SAMD9: variants seen among roughly 807,000 people sequenced by gnomAD.
SAMD9 encodes sterile alpha motif domain containing 9, also known as sterile alpha motif domain-containing protein 9.
Under a neutral mutation model 1.5 loss-of-function variants are expected in SAMD9, and 3 were observed. That is an observed-to-expected ratio of 2.05 (90% CI 0.93 to 5.29). The LOEUF is 5.29. SAMD9 is among the 30% of genes most tolerant of loss of function. The pLI is 0.02. For missense variants in SAMD9, 1,597 were observed against 1,820.8 expected, an observed-to-expected ratio of 0.88 and a Z score of 2.24; for synonymous variants, 635 against 631.9, an observed-to-expected ratio of 1.00 and a Z score of -0.07.
Position 93,110,076 on chromosome 7 carries a change from A to C in SAMD9, c.-8-3971T>G, listed in dbSNP as rs947067999. Among the ~76,000 whole-genome samples the C allele has an allele frequency of 2.6e-5, 4 of 152,250 alleles. 1 individual carries two copies. Among genetic ancestry groups the C allele is most frequent in the Admixed American group, 2.6e-4 (4 of 15,284 alleles). On this transcript the variant is annotated intron_variant, in intron 2 of 2. Transcript: ENST00000379958. ...CAGAAAGAAAGGTCCGGTTACCCAC[A>C]AAGGGGAGCCCATCAGATTAACAGC... is the stretch of plus-strand genomic sequence containing the variant.
In SAMD9 at chr7:93,102,212, C is replaced by T. The variant is rs768318837; in HGVS notation, c.3886G>A (p.Val1296Met). 64 of 1,613,656 alleles carry T rather than the reference C, an allele frequency of 4.0e-5. No individual in the cohort carries two copies. The highest frequency in any genetic ancestry group is 5.3e-5 in the Non-Finnish European group (63 of 1,179,710). The change falls in exon 3 of 3, where the codon GTG (valine) becomes ATG (methionine). Residue 1296 changes from valine to methionine, a missense_variant. This residue lies in a region of SAMD9 where 682 missense variants were observed against 810.0 expected (regional missense o/e 0.84). Coordinates refer to ENST00000379958, the MANE Select transcript of SAMD9 (RefSeq NM_017654.4). ...QNEEAKTRRK[V>M]AGYFKKYVDI... ...ACATATTTCTTAAAATATCCAGCCA[C>T]CTTTCTCCGAGTTTTGGCCTCTTCA...
At chr7:93,113,234 GA>G (rs1475780348) in intron 2 of SAMD9, among the ~76,000 whole-genome samples, 1 of 152,192 alleles carries the variant, frequency 6.6e-6, no homozygotes, top group Non-Finnish European at 1.5e-5. Context: ...ATGGTGCTGG[GA>G]AAACTGGCTA....
Position 93,104,210 on chromosome 7 carries a change from T to G in SAMD9, c.1888A>C (p.Arg630=). 1 of 1,613,954 alleles carries G rather than the reference T, an allele frequency of 6.2e-7. No homozygotes were observed. Among genetic ancestry groups the G allele is most frequent in the African/African-American group, 1.3e-5 (1 of 75,064 alleles). ...GATAAACCAATAGATGGCAAAAGCCTTTTTGAAGATTGAGTCACAGATTTT... is the reference window on the plus strand; with the variant it reads ...GATAAACCAATAGATGGCAAAAGCCGTTTTGAAGATTGAGTCACAGATTTT... The part of the protein sequence containing the change: ...KLKSVTQSSK[R]LLPSIGLSTV... The change falls in exon 3 of 3, where the codon AGG becomes CGG. Residue 630 remains arginine, a synonymous_variant. Coordinates refer to ENST00000379958, the MANE Select transcript of SAMD9 (RefSeq NM_017654.4).
At position 93,103,992 on chromosome 7, in the gene SAMD9, A is replaced by G; in HGVS notation, c.2106T>C (p.Ser702=). ...ATTTATCCCTTTTGACAAAAGGTGA[A>G]GAATAACTTTCAGAAGAGAAGTAGA... ...WNFYFSSESY[S]SPFVKRDKYE... is the part of the protein sequence containing the mutation. Residue 702 remains serine (S), a synonymous_variant, in exon 3 of 3, where the codon TCT becomes TCC. Coordinates refer to ENST00000379958, the MANE Select transcript of SAMD9 (RefSeq NM_017654.4). 1 of 1,613,892 alleles carries G rather than the reference A, an allele frequency of 6.2e-7. No individual in the cohort carries two copies. The highest frequency in any genetic ancestry group is 8.5e-7 in the Non-Finnish European group (1 of 1,179,820).
intron 2 of SAMD9, among the ~76,000 whole-genome samples, chr7:93,108,198 G>A (rs1028784896): frequency 2.6e-5 from 4 of 152,332 alleles, no homozygotes; most frequent in African/African-American, 9.6e-5. Context: ...GTGTGTGCGC[G>A]CAGGTGTGAC....
chr7:93,106,893 T>C (rs1194049325), intron 2 of SAMD9, among the ~76,000 whole-genome samples: 2 of 152,224 alleles, frequency 1.3e-5, no homozygotes, highest in Non-Finnish European at 2.9e-5. Flanking sequence ...TTTCTCAAAA[T>C]TGTACAATCA....
intron 2 of SAMD9, among the ~76,000 whole-genome samples, chr7:93,110,412 G>T (rs1325365691): frequency 6.6e-6 from 1 of 152,100 alleles, no homozygotes; most frequent in Non-Finnish European, 1.5e-5. Flanking sequence ...ACGAGCAAAA[G>T]AACCAGCTAA....
chr7:93,109,525 G>A (rs112112519), intron 2 of SAMD9, among the ~76,000 whole-genome samples: 7,411 of 152,246 alleles, frequency 0.049, 307 homozygotes, highest in African/African-American at 0.11. Context: ...AAAGGAGGAT[G>A]TTTGAACCCA....
intron 2 of SAMD9, among the ~76,000 whole-genome samples, chr7:93,107,270 G>T (rs1791661938): frequency 6.6e-6 from 1 of 152,098 alleles, no homozygotes; most frequent in African/African-American, 2.4e-5. Context: ...TTGTCTGTGA[G>T]CTGTTCTGTT....
Position 93,101,683 on chromosome 7 carries a change from T to C in SAMD9, c.4415A>G (p.His1472Arg), listed in dbSNP as rs754538109. 2 of 1,613,700 alleles carry C rather than the reference T, an allele frequency of 1.2e-6. No individual in the cohort carries two copies. Among genetic ancestry groups the C allele is most frequent in the South Asian group, 1.1e-5 (1 of 91,074 alleles). ...ATATGCAATTGGTTGCTTTGTACGATGCATATGTTTATATTGCCCCTTGAA... is the reference window on the plus strand; with the variant it reads ...ATATGCAATTGGTTGCTTTGTACGACGCATATGTTTATATTGCCCCTTGAA... ...NSFKGQYKHM[H>R]RTKQPIAYFF... Residue 1472 changes from histidine (H) to arginine (R), a missense_variant, in exon 3 of 3, where the codon CAT becomes CGT. Coordinates refer to ENST00000379958, the MANE Select transcript of SAMD9 (RefSeq NM_017654.4).
At chr7:93,110,455 C>A (rs577687647) in intron 2 of SAMD9, among the ~76,000 whole-genome samples, 1 of 152,226 alleles carries the variant, frequency 6.6e-6, no homozygotes, top group Non-Finnish European at 1.5e-5. Context: ...TCACACATAA[C>A]AATATTAACC....
chr7:93,109,496 TAAC>T (rs1364879736), intron 2 of SAMD9, among the ~76,000 whole-genome samples: 1 of 152,030 alleles, frequency 6.6e-6, no homozygotes, highest in African/African-American at 2.4e-5. Context: ...CGACTGGTAA[TAAC>T]AAACTTCTCT....
At chr7:93,107,689 G>A (rs76136238) in intron 2 of SAMD9, among the ~76,000 whole-genome samples, 1 of 152,206 alleles carries the variant, frequency 6.6e-6, no homozygotes, top group Non-Finnish European at 1.5e-5. Flanking sequence ...ACAAACTCAG[G>A]ATTAGAATTT....
chr7:93,102,702 T>C lies in SAMD9; in HGVS notation c.3396A>G (p.Arg1132=). 4 of 1,613,914 alleles carry C rather than the reference T, an allele frequency of 2.5e-6. No homozygotes were observed. The highest frequency in any genetic ancestry group is 3.4e-6 in the Non-Finnish European group (4 of 1,179,794). ...TTCCTCCGTTTTCCTCTATCCACCA[T>C]CTTATTTTACTTTTGTAGACTTGAC... is the stretch of plus-strand genomic sequence containing the variant. ...TLGQVYKSKI[R]WWIEENGGNG... Residue 1132 remains arginine (R), a synonymous_variant, in exon 3 of 3, where the codon AGA becomes AGG. Coordinates refer to ENST00000379958, the MANE Select transcript of SAMD9 (RefSeq NM_017654.4).
At position 93,105,177 on chromosome 7, in the gene SAMD9, C is replaced by T. The variant is rs747867090; in HGVS notation, c.921G>A (p.Val307=). ...ATTCAGAGAACTGTGGAATAATGTC[C>T]ACTTCAATAACAAATCTGTCAGATA... is the stretch of plus-strand genomic sequence containing the variant. The part of the protein sequence containing the change: ...STLSDRFVIE[V]DIIPQFSECQ... Residue 307 remains valine (V), a synonymous_variant, in exon 3 of 3, where the codon GTG becomes GTA. Coordinates refer to ENST00000379958, the MANE Select transcript of SAMD9 (RefSeq NM_017654.4). 2 of 1,613,634 alleles carry T rather than the reference C, an allele frequency of 1.2e-6. No homozygotes were observed. Among genetic ancestry groups the T allele is most frequent in the Admixed American group, 3.3e-5 (2 of 59,982 alleles).
In SAMD9 at chr7:93,105,589, C is replaced by T. The variant is rs747447641; in HGVS notation, c.509G>A (p.Ser170Asn). Residue 170 changes from serine to asparagine, a missense_variant, in exon 3 of 3, where the codon AGT becomes AAT. Transcript: ENST00000379958. Reference sequence around the variant, plus strand: ...ATCCAACTTGTAACGATATGGATTACTGAATTCATCAAATGGATATGATAC... The same window carrying T: ...ATCCAACTTGTAACGATATGGATTATTGAATTCATCAAATGGATATGATAC... ...TCVSYPFDEF[S>N]NPYRYKLDFS... The T allele has an allele frequency of 1.2e-6, 2 of 1,614,096 alleles. No homozygotes were observed. Among genetic ancestry groups the T allele is most frequent in the Non-Finnish European group, 8.5e-7 (1 of 1,180,004 alleles).
intron 2 of SAMD9, among the ~76,000 whole-genome samples, chr7:93,106,504 A>G (rs1791649274): frequency 6.6e-6 from 1 of 152,196 alleles, no homozygotes; most frequent in Non-Finnish European, 1.5e-5. Flanking sequence ...AAAAAGAAGG[A>G]TATTTGAAAC....
At chr7:93,109,343 T>C (rs1479914857) in intron 2 of SAMD9, among the ~76,000 whole-genome samples, 1 of 152,056 alleles carries the variant, frequency 6.6e-6, no homozygotes, top group Non-Finnish European at 1.5e-5. Flanking sequence ...ACCACAAAGA[T>C]GGGAAGAAAC....
At position 93,102,742 on chromosome 7, in the gene SAMD9, A is replaced by T; in HGVS notation, c.3356T>A (p.Ile1119Asn). The change falls in exon 3 of 3, where the codon ATC (isoleucine) becomes AAC (asparagine). Residue 1119 changes from isoleucine to asparagine, a missense_variant. By Grantham distance (149) the Ile-to-Asn change is moderately radical. Coordinates refer to ENST00000379958, the MANE Select transcript of SAMD9 (RefSeq NM_017654.4). ...AKIIEPDNSY[I>N]SDTLGQVYKS... ...GTAGACTTGACCCAGTGTATCTGAGATATAAGAATTGTCAGGTTCTATGAT... is the reference window on the plus strand; with the variant it reads ...GTAGACTTGACCCAGTGTATCTGAGTTATAAGAATTGTCAGGTTCTATGAT... The T allele has an allele frequency of 6.2e-7, 1 of 1,613,842 alleles. No homozygotes were observed. The highest frequency in any genetic ancestry group is 8.5e-7 in the Non-Finnish European group (1 of 1,179,762).
Sources: allele counts gnomAD v4.1 joint callset (sites outside exome capture counted in the v4.1 genomes callset), GRCh38; gene constraint gnomAD v4.1.1; regional missense constraint gnomAD v4.1.1; transcripts MANE v1.5; gene names NCBI Gene and HGNC (gene_info 2026-07-23, HGNC 2026-07-21).